SPMIP7: variants seen among roughly 807,000 people sequenced by gnomAD.
SPMIP7 encodes sperm microtubule inner protein 7, also known as protein SPMIP7.
At chr7:50,151,612 T>C in the SPMIP7 span, 1 of 1,225,146 alleles carries the variant, frequency 8.2e-7, no homozygotes, top group African/African-American at 1.5e-5. Context: ...GGGGAAATCC[T>C]AATTGTGGTT....
chr7:50,127,414 A>G, the SPMIP7 span, among the ~76,000 whole-genome samples: 1 of 151,746 alleles, frequency 6.6e-6, no homozygotes, highest in African/African-American at 2.4e-5. Flanking sequence ...AAATGGGACT[A>G]CATCAAGCTA....
chr7:50,140,023 A>G, the SPMIP7 span: 3 of 698,370 alleles, frequency 4.3e-6, no homozygotes, highest in South Asian at 2.1e-5. Flanking sequence ...CCTTTAAAGG[A>G]CAATTCCTAT....
At chr7:50,116,124 T>C in the SPMIP7 span, among the ~76,000 whole-genome samples, 3 of 152,204 alleles carry the variant, frequency 2.0e-5, no homozygotes, top group Non-Finnish European at 2.9e-5. Context: ...TTTTACCTTA[T>C]TTTATTTTTA....
the SPMIP7 span, chr7:50,142,693 C>G: frequency 6.6e-6 from 1 of 152,118 alleles, no homozygotes; most frequent in African/African-American, 2.4e-5. Flanking sequence ...TGTGTATCCC[C>G]CACCTAGTAA....
chr7:50,118,642 C>A, the SPMIP7 span, among the ~76,000 whole-genome samples: 1 of 152,178 alleles, frequency 6.6e-6, no homozygotes, highest in African/African-American at 2.4e-5. Context: ...AACAGAGGAA[C>A]CTATTTCACT....
chr7:50,143,693 G>T, the SPMIP7 span, among the ~76,000 whole-genome samples: 1 of 152,208 alleles, frequency 6.6e-6, no homozygotes, highest in Non-Finnish European at 1.5e-5. Context: ...TTGTAGAACT[G>T]AATCTGATCA....
At chr7:50,133,989 C>G in the SPMIP7 span, 5 of 863,892 alleles carry the variant, frequency 5.8e-6, no homozygotes, top group East Asian at 1.4e-4. Context: ...GGTATACACA[C>G]CAAGGGGCAG....
chr7:50,118,642 C>G, the SPMIP7 span, among the ~76,000 whole-genome samples: 14 of 152,178 alleles, frequency 9.2e-5, no homozygotes, highest in African/African-American at 3.4e-4. Context: ...AACAGAGGAA[C>G]CTATTTCACT....
the SPMIP7 span, among the ~76,000 whole-genome samples, chr7:50,123,973 G>A: frequency 1.3e-5 from 2 of 151,996 alleles, no homozygotes; most frequent in African/African-American, 4.8e-5. Context: ...GCAAGACACA[G>A]CTATATGCTA....
At chr7:50,120,000 C>G in the SPMIP7 span, among the ~76,000 whole-genome samples, 3 of 152,206 alleles carry the variant, frequency 2.0e-5, no homozygotes, top group Admixed American at 6.5e-5. Context: ...TGCTCACATG[C>G]CACCAGGTGG....
chr7:50,129,289 GATA>G, the SPMIP7 span, among the ~76,000 whole-genome samples: 1 of 151,896 alleles, frequency 6.6e-6, no homozygotes, highest in Non-Finnish European at 1.5e-5. Context: ...AACCATTAAA[GATA>G]ATAATGATTA....
At chr7:50,132,413 T>C in the SPMIP7 span, among the ~76,000 whole-genome samples, 1 of 152,168 alleles carries the variant, frequency 6.6e-6, no homozygotes, top group South Asian at 2.1e-4. Context: ...GTTAATATTT[T>C]ATTAAGGTTG....
the SPMIP7 span, chr7:50,096,622 C>T: frequency 1.3e-6 from 2 of 1,542,342 alleles, no homozygotes; most frequent in Admixed American, 2.0e-5. Flanking sequence ...ACATTTCTAT[C>T]AGAGCAAGAC....
the SPMIP7 span, among the ~76,000 whole-genome samples, chr7:50,117,993 T>A: frequency 6.6e-6 from 1 of 152,214 alleles, no homozygotes; most frequent in Non-Finnish European, 1.5e-5. Context: ...GCTGTAAAAC[T>A]AAACCTGAGT....
At chr7:50,144,858 C>A in the SPMIP7 span, among the ~76,000 whole-genome samples, 1 of 152,008 alleles carries the variant, frequency 6.6e-6, no homozygotes, top group African/African-American at 2.4e-5. Flanking sequence ...CAAACATGAA[C>A]TGTTGACCGG....
At chr7:50,109,362 AATTTATTTATTT>A in the SPMIP7 span, among the ~76,000 whole-genome samples, 3 of 12,580 alleles carry the variant, frequency 2.4e-4, no homozygotes, top group African/African-American at 3.4e-4. Context: ...AACACAGTTT[AATTTATTTATTT>A]ATTTATTTAT....
chr7:50,152,534 G>A, the SPMIP7 span, among the ~76,000 whole-genome samples: 46 of 152,136 alleles, frequency 3.0e-4, no homozygotes, highest in African/African-American at 1.1e-3. Flanking sequence ...ATGTCTAGTT[G>A]TTGGCCCAGT....
chr7:50,155,538 C>A, the SPMIP7 span, among the ~76,000 whole-genome samples: 4 of 152,212 alleles, frequency 2.6e-5, no homozygotes, highest in African/African-American at 9.6e-5. Context: ...TTTTTGTGCA[C>A]AATCCATCTT....
the SPMIP7 span, chr7:50,141,221 T>G: frequency 4.2e-5 from 48 of 1,151,608 alleles, no homozygotes; most frequent in African/African-American, 7.4e-4. Context: ...TACTGTTCAA[T>G]GGTTTCTTCT....
Sources: gnomAD v4.1 joint callset for allele counts (sites outside exome capture counted in the v4.1 genomes callset) on GRCh38, gnomAD v4.1.1 for gene constraint, MANE v1.5 for transcripts, NCBI Gene and HGNC (gene_info 2026-07-23, HGNC 2026-07-21) for gene names.